Variants in AMD1 observed in about 807,000 individuals in gnomAD.
AMD1 encodes the protein adenosylmethionine decarboxylase 1, also known as S-adenosylmethionine decarboxylase proenzyme.
AMD1 carries 11 observed loss-of-function variants against 40.2 expected under a neutral mutation model. That is an observed-to-expected ratio of 0.27 (90% confidence interval 0.17 to 0.45). The LOEUF is 0.45. Ranked by LOEUF, AMD1 falls within the 20% of genes least tolerant of loss-of-function variation. The pLI is 1.00. For missense variants in AMD1, 257 were observed against 410.2 expected (o/e 0.63, Z 3.23); for synonymous variants, 121 against 130.8 (o/e 0.93, Z 0.51).
chr6:110,823,281 G>A, the AMD1 span, among the ~76,000 whole-genome samples: 2 of 152,156 alleles, frequency 1.3e-5, no homozygotes, highest in Non-Finnish European at 2.9e-5. Flanking sequence ...ACTGAATGGG[G>A]AAGAGTTGAA....
At chr6:110,870,223 T>C (rs1029429108), upstream of AMD1, among the ~76,000 whole-genome samples, 4 of 152,224 alleles carry the variant, frequency 2.6e-5, no homozygotes, top group African/African-American at 9.6e-5. Flanking sequence ...ATGGCTGCTT[T>C]CAAACCACCA....
the AMD1 span, among the ~76,000 whole-genome samples, chr6:110,822,959 T>C: frequency 6.6e-6 from 1 of 151,820 alleles, no homozygotes; most frequent in Non-Finnish European, 1.5e-5. Flanking sequence ...CTACTAAAAA[T>C]ACAAAAGTTA....
At chr6:110,851,954 G>A in the AMD1 span, among the ~76,000 whole-genome samples, 5 of 151,882 alleles carry the variant, frequency 3.3e-5, no homozygotes, top group African/African-American at 9.7e-5. Flanking sequence ...TTAACAATAC[G>A]CTTTTTAAAA....
chr6:110,871,743 A>G (rs192421323), upstream of AMD1, among the ~76,000 whole-genome samples: 1 of 152,334 alleles, frequency 6.6e-6, no homozygotes, highest in Non-Finnish European at 1.5e-5. Flanking sequence ...GTTAGCTTCT[A>G]TATGCTTGTT....
At chr6:110,858,414 G>A in the AMD1 span, 1 of 849,472 alleles carries the variant, frequency 1.2e-6, no homozygotes, top group South Asian at 1.3e-5. Context: ...GACGGGATTA[G>A]TTTATGGACA....
At chr6:110,878,993 T>C (rs1583211873) in intron 1 of AMD1, among the ~76,000 whole-genome samples, 1 of 152,174 alleles carries the variant, frequency 6.6e-6, no homozygotes, top group South Asian at 2.1e-4. Context: ...AAAAACCTTT[T>C]AGTGTAATGT....
the AMD1 span, among the ~76,000 whole-genome samples, chr6:110,822,313 C>T: frequency 7.2e-5 from 11 of 152,140 alleles, no homozygotes; most frequent in Non-Finnish European, 1.5e-4. Context: ...ACTCTGTGCA[C>T]ACAAACTAGA....
chr6:110,832,627 G>A, the AMD1 span, among the ~76,000 whole-genome samples: 1 of 152,118 alleles, frequency 6.6e-6, no homozygotes, highest in South Asian at 2.1e-4. Flanking sequence ...TATCAGCAGT[G>A]TTATAGACAT....
At chr6:110,863,076 C>T in the AMD1 span, among the ~76,000 whole-genome samples, 1 of 152,036 alleles carries the variant, frequency 6.6e-6, no homozygotes, top group Non-Finnish European at 1.5e-5. Context: ...TCCCAAGTAG[C>T]TGGGACTACA....
chr6:110,820,240 C>CTTTCTT, the AMD1 span, among the ~76,000 whole-genome samples: 10 of 142,002 alleles, frequency 7.0e-5, no homozygotes, highest in South Asian at 4.5e-4. Context: ...TTCTTTCTTT[C>CTTTCTT]TTTTTTTTTT....
chr6:110,830,845 G>T, the AMD1 span, among the ~76,000 whole-genome samples: 1 of 152,120 alleles, frequency 6.6e-6, no homozygotes, highest in Non-Finnish European at 1.5e-5. Flanking sequence ...GACCTCCTGG[G>T]CTCAAGCAAT....
At chr6:110,835,248 G>C in the AMD1 span, among the ~76,000 whole-genome samples, 4 of 151,388 alleles carry the variant, frequency 2.6e-5, no homozygotes, top group Non-Finnish European at 5.9e-5. Flanking sequence ...TCAATCTCCT[G>C]ACCTCGTGAT....
chr6:110,882,587 G>A (rs1010630384), intron 1 of AMD1, among the ~76,000 whole-genome samples: 2 of 152,094 alleles, frequency 1.3e-5, no homozygotes, highest in Non-Finnish European at 2.9e-5. Context: ...GCATTGTATT[G>A]ACTACTTTTT....
the AMD1 span, among the ~76,000 whole-genome samples, chr6:110,841,688 T>C: frequency 6.6e-6 from 1 of 151,258 alleles, no homozygotes; most frequent in Non-Finnish European, 1.5e-5. Flanking sequence ...CCCTCCTTTA[T>C]TCAGGTGTGT....
At chr6:110,885,341 G>C (rs1326443128) in intron 1 of AMD1, among the ~76,000 whole-genome samples, 2 of 152,176 alleles carry the variant, frequency 1.3e-5, no homozygotes, top group Non-Finnish European at 1.5e-5. Context: ...TCAAACTCCT[G>C]ACCTCAGGTG....
chr6:110,855,794 TG>T, the AMD1 span, among the ~76,000 whole-genome samples: 1 of 152,074 alleles, frequency 6.6e-6, no homozygotes, highest in Non-Finnish European at 1.5e-5. Context: ...TAAAAGGGGA[TG>T]ATGAGCCAGG....
the AMD1 span, among the ~76,000 whole-genome samples, chr6:110,839,142 C>T: frequency 6.6e-6 from 1 of 152,152 alleles, no homozygotes; most frequent in African/African-American, 2.4e-5. Flanking sequence ...TTCAAGGAAA[C>T]TTATGATTTG....
chr6:110,887,920 A>T (rs1411000737), intron 2 of AMD1, among the ~76,000 whole-genome samples: 1 of 151,976 alleles, frequency 6.6e-6, no homozygotes, highest in South Asian at 2.1e-4. Flanking sequence ...TCCTGACCTC[A>T]GGTGATCCAT....
At chr6:110,879,570 G>T (rs1320599240) in intron 1 of AMD1, among the ~76,000 whole-genome samples, 1 of 152,046 alleles carries the variant, frequency 6.6e-6, no homozygotes, top group Non-Finnish European at 1.5e-5. Context: ...GGCACCCTCA[G>T]AATCTAACTT....
Sources: allele counts gnomAD v4.1 joint callset (sites outside exome capture counted in the v4.1 genomes callset), GRCh38; gene constraint gnomAD v4.1.1; transcripts MANE v1.5; gene names NCBI Gene and HGNC (gene_info 2026-07-23, HGNC 2026-07-21).